The following LRP1B variants were observed in gnomAD, a reference collection of about 807,000 sequenced individuals.
LRP1B encodes low-density lipoprotein receptor-related protein 1B.
Under a neutral mutation model 556.6 loss-of-function variants are expected in LRP1B, and 217 were observed. The ratio of observed to expected loss-of-function variants is 0.39; its 90% CI spans 0.35 to 0.44. LRP1B has a LOEUF of 0.44. Among genes scored for constraint, LRP1B ranks in the 20% least tolerant of loss-of-function variants. The pLI is 1.00. For synonymous variants in LRP1B, 2,047 were observed against 1,865.8 expected (o/e 1.10, Z -2.50); for missense variants, 5,053 against 5,620.8 (o/e 0.90, Z 3.23).
intron 43 of LRP1B, among the ~76,000 whole-genome samples, chr2:140,561,410 A>G (rs917885874): frequency 6.6e-6 from 1 of 152,148 alleles, no homozygotes; most frequent in Non-Finnish European, 1.5e-5. Flanking sequence ...ATGGCTGTCC[A>G]TTCTTCATTG....
Position 140,826,549 on chromosome 2 carries a change from C to T in LRP1B, c.5210-12743G>A, listed in dbSNP as rs137947031. ...CTCAAGTCTGAGACTGAGATGATCC[C>T]TGAAGCCATAGAGAAGTGAAAAACT... On this transcript the variant is annotated intron_variant, in intron 31 of 90. Transcript: ENST00000389484. Among the ~76,000 whole-genome samples the T allele has an allele frequency of 6.3e-3, 955 of 152,236 alleles. 8 individuals are homozygous for T. Among genetic ancestry groups the T allele is most frequent in the Non-Finnish European group, 9.1e-3 (616 of 68,004 alleles).
intron 51 of LRP1B, 110 bp downstream of exon 51, chr2:140,514,543 A>G (rs1311796766): frequency 3.9e-6 from 4 of 1,026,744 alleles, no homozygotes; most frequent in Non-Finnish European, 5.4e-6. Context: ...AAAGGTACAC[A>G]TAAATTTTAT....
At chr2:141,954,888 G>A (rs1167862019) in intron 1 of LRP1B, among the ~76,000 whole-genome samples, 1 of 152,052 alleles carries the variant, frequency 6.6e-6, no homozygotes, top group East Asian at 1.9e-4. Flanking sequence ...TTATATGGTT[G>A]TGTAGATATT....
rs190022499 is a variant in LRP1B at position 141,406,772 on chromosome 2, T to C, written c.343+73624A>G. On this transcript the variant is annotated intron_variant, in intron 3 of 90. Coordinates refer to ENST00000389484, the MANE Select transcript of LRP1B (RefSeq NM_018557.3). ...AGATTTAATGATCATGTCTATACCA[T>C]ATTTTAGGGGTGACTTATAAGTAAC... Among the ~76,000 whole-genome samples, 512 of 152,254 alleles carry C rather than the reference T, an allele frequency of 3.4e-3. 1 individual carries two copies. The highest frequency in any genetic ancestry group is 5.6e-3 in the South Asian group (27 of 4,828).
chr2:141,826,402 C>G (rs1050897362), intron 1 of LRP1B, among the ~76,000 whole-genome samples: 1 of 143,358 alleles, frequency 7.0e-6, no homozygotes, highest in African/African-American at 2.6e-5. Flanking sequence ...CTCTGTCCCC[C>G]AGGCTGGAGT....
At chr2:141,123,094 T>A (rs1474508344) in intron 7 of LRP1B, among the ~76,000 whole-genome samples, 1 of 152,036 alleles carries the variant, frequency 6.6e-6, no homozygotes, top group Non-Finnish European at 1.5e-5. Flanking sequence ...CACCAGGGCC[T>A]GTCATGGGGT....
chr2:141,005,365 G>C lies in LRP1B; in HGVS notation c.2473C>G (p.Leu825Val), dbSNP rs2105373671. 6.2e-7 allele frequency: 1 copy of C among 1,610,058 alleles called. No homozygotes were observed. Among genetic ancestry groups the C allele is most frequent in the Non-Finnish European group, 8.5e-7 (1 of 1,177,446 alleles). The change falls in exon 15 of 91, where the codon CTT becomes GTT. Residue 825 changes from leucine to valine, a missense_variant. Transcript: ENST00000389484. ...CAAGTTGTCCCATTTTCATCCAAAAGTTGATTATCGGCACAAGCACACACC... is the reference window on the plus strand; with the variant it reads ...CAAGTTGTCCCATTTTCATCCAAAACTTGATTATCGGCACAAGCACACACC... ...GRVCACADNQ[L>V]LDENGTTCTF...
intron 15 of LRP1B, among the ~76,000 whole-genome samples, chr2:141,004,816 A>C (rs1697522394): frequency 6.6e-6 from 1 of 152,098 alleles, no homozygotes; most frequent in Non-Finnish European, 1.5e-5. Context: ...AAGATGCAGT[A>C]AATTGAGAAA....
intron 2 of LRP1B, among the ~76,000 whole-genome samples, chr2:141,508,956 C>T (rs896238760): frequency 2.0e-5 from 3 of 152,036 alleles, no homozygotes; most frequent in African/African-American, 7.2e-5. Context: ...CCTGAGATTC[C>T]AATTTGCAGT....
intron 18 of LRP1B, among the ~76,000 whole-genome samples, chr2:140,963,565 G>A (rs1696103933): frequency 6.6e-6 from 1 of 152,128 alleles, no homozygotes; most frequent in African/African-American, 2.4e-5. Flanking sequence ...CATAAAGACA[G>A]TTAAAATAAT....
intron 41 of LRP1B, among the ~76,000 whole-genome samples, chr2:140,675,729 A>G (rs1393757216): frequency 6.6e-6 from 1 of 152,152 alleles, no homozygotes; most frequent in East Asian, 1.9e-4. Context: ...GTGCACTATG[A>G]TTGCACCTCT....
At chr2:141,896,912 CT>C (rs1435276234) in intron 1 of LRP1B, among the ~76,000 whole-genome samples, 11 of 152,126 alleles carry the variant, frequency 7.2e-5, no homozygotes, top group African/African-American at 2.7e-4. Context: ...GACCCTGTCT[CT>C]TGATAAGTTG....
intron 79 of LRP1B, among the ~76,000 whole-genome samples, chr2:140,332,480 T>G (rs918519953): frequency 6.6e-6 from 1 of 152,054 alleles, no homozygotes; most frequent in Admixed American, 6.6e-5. Context: ...CAGATCTCCT[T>G]TACTAAACAG....
At chr2:140,971,487 A>G (rs1045450828) in intron 18 of LRP1B, among the ~76,000 whole-genome samples, 1 of 152,184 alleles carries the variant, frequency 6.6e-6, no homozygotes, top group African/African-American at 2.4e-5. Flanking sequence ...GCCCTAAAAA[A>G]TTCTAATTGG....
chr2:140,487,068 T>C (rs1688500513), intron 58 of LRP1B, among the ~76,000 whole-genome samples: 1 of 151,890 alleles, frequency 6.6e-6, no homozygotes, highest in Non-Finnish European at 1.5e-5. Context: ...TAACAAAAGA[T>C]GGTACCAAGT....
chr2:140,793,401 T>C (rs569356354), intron 32 of LRP1B, among the ~76,000 whole-genome samples: 1 of 152,152 alleles, frequency 6.6e-6, no homozygotes, highest in South Asian at 2.1e-4. Flanking sequence ...TTTTAAAAAC[T>C]ACTTCAAATG....
At chr2:141,858,499 A>C (rs1436014486) in intron 1 of LRP1B, among the ~76,000 whole-genome samples, 1 of 152,186 alleles carries the variant, frequency 6.6e-6, no homozygotes, top group Non-Finnish European at 1.5e-5. Context: ...CCAGATCCAG[A>C]TATAGAGTTG....
chr2:141,634,023 C>T (rs1164948449), intron 2 of LRP1B, among the ~76,000 whole-genome samples: 3 of 150,940 alleles, frequency 2.0e-5, no homozygotes, highest in African/African-American at 7.3e-5. Context: ...TTATTTCCCA[C>T]ACAGCAATGC....
chr2:140,824,701 GT>G (rs1457098227), intron 31 of LRP1B, among the ~76,000 whole-genome samples: 2 of 152,084 alleles, frequency 1.3e-5, no homozygotes, highest in Non-Finnish European at 2.9e-5. Context: ...ACTTTAATAT[GT>G]TTTTTATTCC....
Sources: allele counts gnomAD v4.1 joint callset (sites outside exome capture counted in the v4.1 genomes callset), GRCh38; gene constraint gnomAD v4.1.1; transcripts MANE v1.5; gene names NCBI Gene and HGNC (gene_info 2026-07-23, HGNC 2026-07-21).